Variants in CSNK2A1 observed in about 807,000 individuals in gnomAD.
CSNK2A1 encodes casein kinase II subunit alpha.
CSNK2A1 carries 10 observed loss-of-function variants against 62.9 expected under a neutral mutation model. That is an observed-to-expected ratio of 0.16 (90% CI 0.10 to 0.27). The LOEUF is 0.27. CSNK2A1 is among the 10% of genes least tolerant of loss of function. The pLI, the probability that CSNK2A1 is intolerant of heterozygous loss-of-function variation, is 1.00. For synonymous variants in CSNK2A1, 124 were observed against 167.8 expected, an observed-to-expected ratio of 0.74 and a Z score of 2.02; for missense variants, 160 against 492.0, an observed-to-expected ratio of 0.33 and a Z score of 6.38.
chr20:523,862 A>AAAAAAAAAAAAACAAAAAAACAAAAAAAC (rs2019004533), intron 2 of CSNK2A1, among the ~76,000 whole-genome samples: 43 of 141,332 alleles, frequency 3.0e-4, no homozygotes, highest in African/African-American at 1.1e-3. Flanking sequence ...CCATCTCAAA[A>AAAAAAAAAAAAACAAAAAAACAAAAAAAC]AAAAAAAAAA....
intron 2 of CSNK2A1, among the ~76,000 whole-genome samples, chr20:523,330 T>G (rs2018989318): frequency 6.6e-6 from 1 of 152,098 alleles, no homozygotes; most frequent in African/African-American, 2.4e-5. Context: ...AAAACTTAGG[T>G]CCACAAAAGC....
chr20:525,062 TCA>T (rs1231881628), intron 2 of CSNK2A1, among the ~76,000 whole-genome samples: 2 of 152,152 alleles, frequency 1.3e-5, no homozygotes, highest in Admixed American at 6.5e-5. Flanking sequence ...TGAGCTATGA[TCA>T]CAGTGTTGCA....
At chr20:512,208 CTTT>C (rs546700255) in intron 2 of CSNK2A1, among the ~76,000 whole-genome samples, 1 of 144,248 alleles carries the variant, frequency 6.9e-6, no homozygotes, top group Non-Finnish European at 1.5e-5. Context: ...TCTTCTTCTT[CTTT>C]TTTTTTTTTC....
intron 2 of CSNK2A1, among the ~76,000 whole-genome samples, chr20:523,663 G>A (rs545860465): frequency 7.2e-5 from 11 of 152,024 alleles, no homozygotes; most frequent in Non-Finnish European, 1.0e-4. Context: ...AGGCCGAAGC[G>A]GATGGATCAC....
rs2017945697 is a variant in CSNK2A1, at chr20:481,002, G to C, written c.*2959C>G. 6.6e-6 allele frequency: 1 copy of C among 152,104 alleles called. No homozygotes were observed. The highest frequency in any genetic ancestry group is 1.5e-5 in the Non-Finnish European group (1 of 68,016). 9.4% of individuals were successfully genotyped at this position (152,104 alleles called of 1,614,324 possible). A position where few individuals can be genotyped will look rare whatever the true frequency, so the allele number is the denominator to read the frequency against. On this transcript the variant is annotated 3_prime_UTR_variant, in exon 14 of 14. Coordinates refer to ENST00000217244, the MANE Select transcript of CSNK2A1 (RefSeq NM_177559.3). The stretch of plus-strand genomic sequence containing the variant: ...AATTTAATCTATCTTATGTAAGCTG[G>C]ACAGGCATTTCAAGTACAAGAAACA...
chr20:474,659 G>A lies in CSNK2A1; in HGVS notation c.*9302C>T, dbSNP rs2017812460. On this transcript the variant is annotated 3_prime_UTR_variant, in exon 14 of 14. Coordinates refer to ENST00000217244, the MANE Select transcript of CSNK2A1 (RefSeq NM_177559.3). ...TTTGATTTTTCAGTTTTAGGCATTA[G>A]TTCCCCTTATAAATGATGAGAGTTT... 1.3e-5 allele frequency: 2 copies of A among 152,132 alleles called. No individual in the cohort carries two copies. The highest frequency in any genetic ancestry group is 1.3e-4 in the Admixed American group (2 of 15,272). The allele number at this position is 152,132 out of a possible 1,614,324, so 9.4% of individuals were successfully genotyped here.
At chr20:500,926 C>G (rs1226717965) in intron 4 of CSNK2A1, 2 of 152,042 alleles carry the variant, frequency 1.3e-5, no homozygotes, top group Admixed American at 1.3e-4. Flanking sequence ...AAATGAACCC[C>G]TCCATTCTAA....
intron 3 of CSNK2A1, chr20:508,224 TA>T: frequency 2.1e-6 from 1 of 474,326 alleles, no homozygotes. Flanking sequence ...GATAAGAAAC[TA>T]AAATGATTTT....
chr20:485,132 A>G (rs2018067840), intron 13 of CSNK2A1, among the ~76,000 whole-genome samples: 1 of 101,086 alleles, frequency 9.9e-6, no homozygotes, highest in South Asian at 3.7e-4. Context: ...ATATATATAT[A>G]TATATGAGAA....
Position 499,939 on chromosome 20 carries a change from A to T in CSNK2A1, c.214-5T>A, listed in dbSNP as rs2018424077. 1 of 1,608,112 alleles carries T rather than the reference A, an allele frequency of 6.2e-7. No individual in the cohort carries two copies. The highest frequency in any genetic ancestry group is 8.5e-7 in the Non-Finnish European group (1 of 1,177,438). On this transcript the variant is annotated splice_polypyrimidine_tract_variant and splice_region_variant and intron_variant, in intron 4 of 13. Coordinates refer to ENST00000217244, the MANE Select transcript of CSNK2A1 (RefSeq NM_177559.3). The surrounding 1 kb of genome is among the most constrained non-coding windows in gnomAD (Gnocchi z 4.2). ...AATTTTCTTCTTTTTTACTGGCTGA[A>T]AGGGGAAAAGTACATCAGCAAAAAA...
chr20:511,324 G>A (rs1482850925), intron 2 of CSNK2A1, among the ~76,000 whole-genome samples: 1 of 151,914 alleles, frequency 6.6e-6, no homozygotes, highest in Non-Finnish European at 1.5e-5. Flanking sequence ...TGGGTGACAG[G>A]AGAGAGACCT....
At chr20:501,187 C>G (rs2018461719) in intron 4 of CSNK2A1, 1 of 152,210 alleles carries the variant, frequency 6.6e-6, no homozygotes, top group Non-Finnish European at 1.5e-5. Flanking sequence ...GCCTCAGCCT[C>G]CCGAGTAGCT....
intron 9 of CSNK2A1, 144 bp from the exon 10 acceptor site, chr20:490,025 T>C: frequency 6.0e-6 from 4 of 670,364 alleles, no homozygotes; most frequent in Non-Finnish European, 9.2e-6. Flanking sequence ...ATATTTCTTT[T>C]TAGTCTTTCT....
chr20:488,561 C>T, intron 11 of CSNK2A1, 117 bp downstream of exon 11: 1 of 996,862 alleles, frequency 1.0e-6, no homozygotes, highest in Admixed American at 2.2e-5. Flanking sequence ...TGGCACTGGA[C>T]CACTGACATC....
chr20:527,595 T>C (rs2019124412), intron 2 of CSNK2A1, among the ~76,000 whole-genome samples: 2 of 152,340 alleles, frequency 1.3e-5, no homozygotes, highest in African/African-American at 4.8e-5. Flanking sequence ...AAGTACCTCT[T>C]CTACAGGGCC....
chr20:511,837 T>C (rs780354514), intron 2 of CSNK2A1, among the ~76,000 whole-genome samples: 5 of 152,204 alleles, frequency 3.3e-5, no homozygotes, highest in Non-Finnish European at 1.5e-5. Flanking sequence ...AACATCTGTT[T>C]GAGACCTCGC....
Position 483,914 on chromosome 20 carries a change from G to A in CSNK2A1, c.*47C>T, listed in dbSNP as rs377606961. On this transcript the variant is annotated 3_prime_UTR_variant, in exon 14 of 14. Coordinates refer to ENST00000217244, the MANE Select transcript of CSNK2A1 (RefSeq NM_177559.3). ...AGGCGCAAGCTGCATCAAGGAGAGG[G>A]TGGACTCCCCCACCTCTGCTCAGGC... is the stretch of plus-strand genomic sequence containing the variant. 19 of 1,567,576 alleles carry A rather than the reference G, an allele frequency of 1.2e-5. No individual in the cohort carries two copies. Among genetic ancestry groups the A allele is most frequent in the South Asian group, 5.9e-5 (5 of 84,828 alleles).
chr20:526,997 C>CAGAGAGAG (rs1186187834), intron 2 of CSNK2A1: 9 of 54,000 alleles, frequency 1.7e-4, no homozygotes, highest in South Asian at 9.4e-4. Context: ...GAGAGAGAGA[C>CAGAGAGAG]AGACAGAGAG....
Position 474,673 on chromosome 20 carries a change from T to C in CSNK2A1, c.*9288A>G, listed in dbSNP as rs2017813026. On this transcript the variant is annotated 3_prime_UTR_variant, in exon 14 of 14. Transcript: ENST00000217244. ...TTTAGGCATTAGTTCCCCTTATAAA[T>C]GATGAGAGTTTAGAGCTTAGACCGC... 1 of 152,210 alleles carries C rather than the reference T, an allele frequency of 6.6e-6. No homozygotes were observed. Among genetic ancestry groups the C allele is most frequent in the South Asian group, 2.1e-4 (1 of 4,832 alleles). 9.4% of individuals were successfully genotyped at this position (152,210 alleles called of 1,614,324 possible).
Sources: gnomAD v4.1 joint callset for allele counts (sites outside exome capture counted in the v4.1 genomes callset) on GRCh38, gnomAD v4.1.1 for gene constraint, Gnocchi (gnomAD v3.1) non-coding constraint, MANE v1.5 for transcripts, NCBI Gene and HGNC (gene_info 2026-07-23, HGNC 2026-07-21) for gene names.